The following EVI5 variants were observed in gnomAD, a reference collection of about 807,000 sequenced individuals.
EVI5 encodes ecotropic viral integration site 5 protein homolog.
A neutral mutation model predicts 112.0 loss-of-function variants in EVI5; 73 were observed. The observed-to-expected ratio is 0.65, with a 90% confidence interval of 0.54 to 0.79. The LOEUF (loss-of-function observed/expected upper bound fraction) is 0.79, where lower values mean the gene tolerates loss of function less well. Ranked by LOEUF, EVI5 falls within the 30% of genes least tolerant of loss-of-function variation. EVI5 has a pLI of 0.00. For synonymous variants in EVI5, 305 were observed against 319.9 expected (o/e 0.95, Z 0.50); for missense variants, 900 against 968.8 (o/e 0.93, Z 0.94).
intron 14 of EVI5, among the ~76,000 whole-genome samples, chr1:92,628,539 C>T (rs1409800971): frequency 6.6e-6 from 1 of 152,148 alleles, no homozygotes; most frequent in Non-Finnish European, 1.5e-5. Context: ...TTTCATTCTC[C>T]TACATGTGGC....
chr1:92,723,007 T>C (rs1273245270), intron 2 of EVI5, among the ~76,000 whole-genome samples: 1 of 152,178 alleles, frequency 6.6e-6, no homozygotes, highest in Non-Finnish European at 1.5e-5. Flanking sequence ...TGAGTTGATA[T>C]TAGGTCCTAT....
At chr1:92,765,856 G>A (rs926382850) in intron 1 of EVI5, among the ~76,000 whole-genome samples, 7 of 152,010 alleles carry the variant, frequency 4.6e-5, no homozygotes, top group African/African-American at 9.6e-5. Flanking sequence ...CGGGAGGGTC[G>A]CTTCAGGCTG....
At position 92,566,724 on chromosome 1, in the gene EVI5, T is replaced by C. The variant is rs557914073; in HGVS notation, c.2071-2987A>G. On this transcript the variant is annotated intron_variant, in intron 18 of 19. Transcript: ENST00000684568. ...ACTATTGCCCCTGAAGATCTTCCAG[T>C]GGGACAAGATGTAGAGGTAGAAGAC... Among the ~76,000 whole-genome samples, 80 of 151,390 alleles carry C rather than the reference T, an allele frequency of 5.3e-4. 1 individual carries two copies. The highest frequency in any genetic ancestry group is 1.9e-3 in the African/African-American group (77 of 41,314).
At chr1:92,750,556 G>A (rs1021693252) in intron 1 of EVI5, among the ~76,000 whole-genome samples, 2 of 152,122 alleles carry the variant, frequency 1.3e-5, no homozygotes, top group African/African-American at 4.8e-5. Flanking sequence ...AGAAATTCAT[G>A]CACATATGAA....
chr1:92,698,291 C>T (rs1670622884), intron 5 of EVI5, among the ~76,000 whole-genome samples: 1 of 152,078 alleles, frequency 6.6e-6, no homozygotes, highest in Admixed American at 6.6e-5. Context: ...CACCAGTGAA[C>T]AAAATAAACA....
chr1:92,589,227 G>A (rs919429843), intron 18 of EVI5, among the ~76,000 whole-genome samples: 38 of 152,270 alleles, frequency 2.5e-4, no homozygotes, highest in Non-Finnish European at 4.3e-4. Context: ...TTCCAACTGA[G>A]GTACTGCGTT....
intron 18 of EVI5, among the ~76,000 whole-genome samples, chr1:92,586,606 CTGTGTG>C (rs61310991): frequency 0.045 from 3,290 of 72,738 alleles, 160 homozygotes; most frequent in African/African-American, 0.12. Context: ...TTTTTTTTGG[CTGTGTG>C]TGTGTGTGTG....
chr1:92,765,121 T>C (rs907164492), intron 1 of EVI5, among the ~76,000 whole-genome samples: 2 of 152,168 alleles, frequency 1.3e-5, no homozygotes, highest in African/African-American at 4.8e-5. Flanking sequence ...CTTAACCATT[T>C]GGTAATTCAA....
intron 1 of EVI5, among the ~76,000 whole-genome samples, chr1:92,774,841 T>C (rs570527402): frequency 6.6e-6 from 1 of 152,162 alleles, no homozygotes; most frequent in Non-Finnish European, 1.5e-5. Context: ...GAAAGCTCTC[T>C]TGAAGTAAAC....
intron 19 of EVI5, among the ~76,000 whole-genome samples, chr1:92,523,870 G>A (rs1661382996): frequency 6.6e-6 from 1 of 152,068 alleles, no homozygotes; most frequent in African/African-American, 2.4e-5. Context: ...TGGATCACTT[G>A]AGGTCAGAAG....
intron 9 of EVI5, among the ~76,000 whole-genome samples, chr1:92,691,408 A>C (rs544381585): frequency 1.3e-5 from 2 of 152,328 alleles, no homozygotes; most frequent in East Asian, 3.8e-4. Flanking sequence ...AAATATTAAC[A>C]GTTGTTAAAT....
At chr1:92,578,568 A>C (rs541616268) in intron 18 of EVI5, among the ~76,000 whole-genome samples, 2 of 152,178 alleles carry the variant, frequency 1.3e-5, no homozygotes, top group South Asian at 2.1e-4. Flanking sequence ...AATACAAAAA[A>C]TTAGCTGGGC....
At chr1:92,542,059 G>A (rs898563997) in intron 19 of EVI5, among the ~76,000 whole-genome samples, 3 of 152,098 alleles carry the variant, frequency 2.0e-5, no homozygotes, top group African/African-American at 7.2e-5. Context: ...TTCCTCACTC[G>A]GCCTTGCATG....
chr1:92,633,381 G>T (rs1285089327), intron 14 of EVI5, among the ~76,000 whole-genome samples: 1 of 152,176 alleles, frequency 6.6e-6, no homozygotes, highest in Non-Finnish European at 1.5e-5. Context: ...ATATATTTAG[G>T]ATAGTTAGCT....
chr1:92,729,962 C>T (rs759325500), intron 2 of EVI5, among the ~76,000 whole-genome samples: 22 of 151,880 alleles, frequency 1.4e-4, no homozygotes, highest in Non-Finnish European at 2.6e-4. Flanking sequence ...TGTAATTTGC[C>T]GTATTATCAG....
intron 19 of EVI5, among the ~76,000 whole-genome samples, chr1:92,545,398 A>G (rs1362930024): frequency 7.5e-6 from 1 of 134,062 alleles, no homozygotes. Context: ...GTATTTTAAA[A>G]TCAAACTACT....
intron 19 of EVI5, among the ~76,000 whole-genome samples, chr1:92,552,494 G>A (rs1667098298): frequency 6.6e-6 from 1 of 152,100 alleles, no homozygotes; most frequent in Admixed American, 6.6e-5. Flanking sequence ...CCTGAGAGTA[G>A]GGCCACTCTT....
chr1:92,618,909 T>G (rs1296636532), intron 16 of EVI5, among the ~76,000 whole-genome samples: 1 of 152,254 alleles, frequency 6.6e-6, no homozygotes, highest in African/African-American at 2.4e-5. Flanking sequence ...TAAGTACTGT[T>G]AACTTTATGT....
At chr1:92,576,920 C>G (rs1671176678) in intron 18 of EVI5, among the ~76,000 whole-genome samples, 1 of 152,154 alleles carries the variant, frequency 6.6e-6, no homozygotes, top group African/African-American at 2.4e-5. Context: ...GCATTTAAAA[C>G]TTGTCAGAAA....
Sources: allele counts gnomAD v4.1 joint callset (sites outside exome capture counted in the v4.1 genomes callset), GRCh38; gene constraint gnomAD v4.1.1; transcripts MANE v1.5; gene names NCBI Gene and HGNC (gene_info 2026-07-23, HGNC 2026-07-21).